Variants in GNAS observed in about 807,000 individuals in gnomAD.
GNAS encodes GNAS complex locus.
In GNAS, 8 loss-of-function variants were observed where a neutral mutation model predicts 54.5. That is an observed-to-expected ratio of 0.15 (90% CI 0.09 to 0.26). The LOEUF (loss-of-function observed/expected upper bound fraction) is 0.26. Among genes scored for constraint, GNAS ranks in the 10% least tolerant of loss-of-function variants. The pLI, the probability that GNAS is intolerant of heterozygous loss-of-function variation, is 1.00. For missense variants in GNAS, 170 were observed against 529.8 expected (o/e 0.32, Z 6.67); for synonymous variants, 204 against 191.4 (o/e 1.07, Z -0.54).
chr20:58,840,471 A>C, upstream of GNAS: 2 of 1,613,462 alleles, frequency 1.2e-6, no homozygotes, highest in East Asian at 4.5e-5. The surrounding 1 kb of genome is among the most constrained non-coding windows in gnomAD (Gnocchi z 6.0). Context: ...ATCGAGTCCG[A>C]GACCGACTTC....
At chr20:58,866,094 C>A (rs375824865) in intron 1 of GNAS, among the ~76,000 whole-genome samples, 3 of 152,296 alleles carry the variant, frequency 2.0e-5, no homozygotes, top group East Asian at 3.9e-4. Context: ...GCAGGAGCCC[C>A]ACTTTATATG....
At chr20:58,886,353 A>G (rs564427256) in intron 1 of GNAS, among the ~76,000 whole-genome samples, 39 of 152,342 alleles carry the variant, frequency 2.6e-4, no homozygotes, top group African/African-American at 9.4e-4. Flanking sequence ...TATGATCTCA[A>G]CTGGCTGGCT....
chr20:58,865,304 G>A (rs2086993123), intron 1 of GNAS, among the ~76,000 whole-genome samples: 1 of 151,440 alleles, frequency 6.6e-6, no homozygotes, highest in Admixed American at 6.6e-5. Flanking sequence ...TATAATCCCA[G>A]CTACTCAGGA....
At chr20:58,865,224 C>T (rs928968416) in intron 1 of GNAS, among the ~76,000 whole-genome samples, 1 of 151,888 alleles carries the variant, frequency 6.6e-6, no homozygotes, top group Non-Finnish European at 1.5e-5. Flanking sequence ...TCCAGACCAG[C>T]CTGGCCACGT....
At chr20:58,852,965 G>A in intron 1 of GNAS, 1 of 1,127,582 alleles carries the variant, frequency 8.9e-7, no homozygotes, top group Non-Finnish European at 1.1e-6. Flanking sequence ...CAAAAAGAAA[G>A]AGAGAGGAGG....
At chr20:58,903,606 C>T (rs2146179604) in intron 4 of GNAS, 21 bp downstream of exon 4, 1 of 1,613,912 alleles carries the variant, frequency 6.2e-7, no homozygotes, top group Non-Finnish European at 8.5e-7. Flanking sequence ...GCTCCTTGTG[C>T]TGTCTGTCTT....
chr20:58,891,519 T>G lies in GNAS; in HGVS notation c.-208T>G. ...AGGGGCGGGGAGCTGCGCGCGCCCC[T>G]CGGTCCGACCGACACCCTCCCCTTC... On this transcript the variant is annotated 5_prime_UTR_variant, in exon 1 of 13. Transcript: ENST00000371085. 6 of 971,658 alleles carry G rather than the reference T, an allele frequency of 6.2e-6. No individual in the cohort carries two copies. Among genetic ancestry groups the G allele is most frequent in the Non-Finnish European group, 7.3e-6 (6 of 823,442 alleles). 60.2% of individuals were successfully genotyped at this position (971,658 alleles called of 1,614,324 possible). A position where few individuals can be genotyped will look rare whatever the true frequency, so the allele number is the denominator to read the frequency against.
chr20:58,888,877 G>A, upstream of GNAS: 1 of 157,754 alleles, frequency 6.3e-6, no homozygotes, highest in Non-Finnish European at 1.4e-5. Flanking sequence ...CGCCGCCCAG[G>A]GCTACACCAC....
upstream of GNAS, chr20:58,888,984 G>T: frequency 2.4e-6 from 2 of 832,224 alleles, no homozygotes; most frequent in South Asian, 5.4e-5. Context: ...CCGCGCCCCC[G>T]GCCCACGCCC....
chr20:58,854,088 C>G (rs572314312), intron 1 of GNAS: 1 of 1,612,176 alleles, frequency 6.2e-7, no homozygotes, highest in Non-Finnish European at 8.5e-7. Context: ...CGCGCCTCCC[C>G]TCTGGGTCCC....
intron 1 of GNAS, among the ~76,000 whole-genome samples, chr20:58,846,300 T>C (rs1255651507): frequency 6.6e-6 from 1 of 151,766 alleles, no homozygotes; most frequent in African/African-American, 2.4e-5. Context: ...GCTAAGGGGG[T>C]TAGAACCAGG....
Position 58,909,330 on chromosome 20 carries a change from T to G in GNAS, c.586-20T>G. ...TTCGGTTGGCTTTGGTGAGATCCAT[T>G]GACCTCAATTTTGTTTCAGGACCTG... On this transcript the variant is annotated intron_variant, in intron 7 of 12. Coordinates refer to ENST00000371085, the MANE Select transcript of GNAS (RefSeq NM_000516.7). The surrounding 1 kb of genome is among the most constrained non-coding windows in gnomAD (Gnocchi z 7.3). 6.2e-7 allele frequency: 1 copy of G among 1,602,734 alleles called. No homozygotes were observed. The highest frequency in any genetic ancestry group is 8.5e-7 in the Non-Finnish European group (1 of 1,169,594).
intron 2 of GNAS, chr20:58,897,875 C>T (rs552486723): frequency 1.6e-4 from 25 of 152,302 alleles, no homozygotes; most frequent in African/African-American, 6.0e-4. Flanking sequence ...ACTAGGAATT[C>T]CCTATGAGAC....
chr20:58,899,744 C>T (rs568130074), intron 3 of GNAS, among the ~76,000 whole-genome samples: 10 of 152,242 alleles, frequency 6.6e-5, no homozygotes, highest in African/African-American at 2.2e-4. Context: ...CACACACACA[C>T]GCATGCCAGG....
At chr20:58,908,342 G>C (rs899389916) in intron 6 of GNAS, among the ~76,000 whole-genome samples, 1 of 152,100 alleles carries the variant, frequency 6.6e-6, no homozygotes, top group Non-Finnish European at 1.5e-5. Flanking sequence ...AATGAAAAGC[G>C]TAATATCTGG....
upstream of GNAS, chr20:58,840,291 G>C (rs1225603087): frequency 1.2e-6 from 2 of 1,612,412 alleles, no homozygotes; most frequent in South Asian, 1.1e-5. The surrounding 1 kb of genome is among the most constrained non-coding windows in gnomAD (Gnocchi z 6.0). Flanking sequence ...CAACAGCGCC[G>C]GAGCTTCCTT....
In GNAS at chr20:58,856,063, T is replaced by C. The variant is rs1446032326; in HGVS notation, c.43+15177T>C. 3.8e-5 allele frequency: 7 copies of C among 183,734 alleles called. No homozygotes were observed. In the East Asian group the frequency reaches 9.7e-4, roughly 26 times the overall value. 11.4% of individuals were successfully genotyped at this position (183,734 alleles called of 1,614,324 possible). A position where few individuals can be genotyped will look rare whatever the true frequency, so the allele number is the denominator to read the frequency against. On this transcript the variant is annotated intron_variant, in intron 1 of 12. Transcript: ENST00000306090. The surrounding 1 kb of genome is among the most constrained non-coding windows in gnomAD (Gnocchi z 4.2). ...CGGGAAATAAGCGGGGCCCTTGGCC[T>C]GGGGGAGCGGGGAATCGCTTTTCGC...
chr20:58,866,646 G>A (rs1372117543), intron 1 of GNAS, among the ~76,000 whole-genome samples: 1 of 152,002 alleles, frequency 6.6e-6, no homozygotes, highest in Non-Finnish European at 1.5e-5. Context: ...GCCCCCATTT[G>A]GTCTTTCTAT....
chr20:58,901,036 T>A (rs1292641645), intron 3 of GNAS, among the ~76,000 whole-genome samples: 2 of 152,234 alleles, frequency 1.3e-5, no homozygotes, highest in Non-Finnish European at 2.9e-5. Context: ...GAAACTTGTT[T>A]CTGGAAATAC....
Sources: gnomAD v4.1 joint callset for allele counts (sites outside exome capture counted in the v4.1 genomes callset) on GRCh38, gnomAD v4.1.1 for gene constraint, Gnocchi (gnomAD v3.1) non-coding constraint, MANE v1.5 for transcripts, NCBI Gene and HGNC (gene_info 2026-07-23, HGNC 2026-07-21) for gene names.